CLSTN2: variants seen among roughly 807,000 people sequenced by gnomAD.
CLSTN2 encodes the protein calsyntenin-2.
In CLSTN2, 48 loss-of-function variants were observed where a neutral mutation model predicts 101.2. The observed-to-expected ratio is 0.47, with a 90% confidence interval of 0.38 to 0.60. CLSTN2 has a LOEUF of 0.60. Ranked by LOEUF, CLSTN2 falls within the 20% of genes least tolerant of loss-of-function variation. The pLI is 0.00. For missense variants in CLSTN2, 1,160 were observed against 1,238.2 expected (o/e 0.94, Z 0.95); for synonymous variants, 481 against 463.6 (o/e 1.04, Z -0.48).
intron 1 of CLSTN2, among the ~76,000 whole-genome samples, chr3:139,957,665 T>C (rs1001470708): frequency 2.0e-5 from 3 of 152,060 alleles, no homozygotes; most frequent in Non-Finnish European, 2.9e-5. Flanking sequence ...TCTTAGAGCA[T>C]GGGGGACTTT....
At chr3:139,958,720 T>G (rs770776278) in intron 1 of CLSTN2, among the ~76,000 whole-genome samples, 3 of 151,616 alleles carry the variant, frequency 2.0e-5, no homozygotes, top group Non-Finnish European at 4.4e-5. Flanking sequence ...AAACCCCACA[T>G]GTCTGGAACA....
chr3:140,057,286 T>C (rs568716546), intron 1 of CLSTN2, among the ~76,000 whole-genome samples: 1 of 152,354 alleles, frequency 6.6e-6, no homozygotes, highest in South Asian at 2.1e-4. Flanking sequence ...AGTGCCATTC[T>C]ACTGATGCCA....
rs1935005307 is a variant in CLSTN2 at position 139,935,597 on chromosome 3, C to T, written c.109+114C>T. On this transcript the variant is annotated intron_variant, in intron 1 of 16. Coordinates refer to ENST00000458420, the MANE Select transcript of CLSTN2 (RefSeq NM_022131.3). This position sits in a 1 kb window ranked among gnomAD's most constrained non-coding sequence, Gnocchi z 5.5. ...ATTTGCCCACCCTCCCTTGCCGCAG[C>T]TTCTTTGGCCTCTGTGCGCCCTGGA... The T allele has an allele frequency of 1.4e-5, 7 of 487,814 alleles. No individual in the cohort carries two copies. The highest frequency in any genetic ancestry group is 2.0e-5 in the African/African-American group (1 of 50,214). The allele number at this position is 487,814 out of a possible 1,614,324, so 30.2% of individuals were successfully genotyped here. A position where few individuals can be genotyped will look rare whatever the true frequency, so the allele number is the denominator to read the frequency against.
At chr3:140,459,159 G>T (rs974519970) in intron 6 of CLSTN2, among the ~76,000 whole-genome samples, 3 of 152,182 alleles carry the variant, frequency 2.0e-5, no homozygotes, top group Non-Finnish European at 4.4e-5. Flanking sequence ...AGATGGATAG[G>T]TGTGTGAGTG....
chr3:139,999,675 C>T (rs972787053), intron 1 of CLSTN2, among the ~76,000 whole-genome samples: 1 of 152,136 alleles, frequency 6.6e-6, no homozygotes, highest in African/African-American at 2.4e-5. Context: ...GAACTTGCAA[C>T]TCTAAACCAA....
intron 1 of CLSTN2, among the ~76,000 whole-genome samples, chr3:139,988,055 C>T (rs59433491): frequency 0.29 from 44,124 of 151,992 alleles, 7,666 homozygotes; most frequent in East Asian, 0.52. Context: ...CAGCTTTTAG[C>T]ATTGTAAAAC....
intron 1 of CLSTN2, among the ~76,000 whole-genome samples, chr3:140,007,348 G>A (rs988862514): frequency 2.0e-5 from 3 of 152,226 alleles, no homozygotes; most frequent in African/African-American, 7.2e-5. Flanking sequence ...GGGCCTGGGG[G>A]TCAGGAGAGG....
chr3:140,389,198 A>ACATGCAC (rs1178881538), intron 2 of CLSTN2, among the ~76,000 whole-genome samples: 1 of 152,178 alleles, frequency 6.6e-6, no homozygotes, highest in African/African-American at 2.4e-5. Flanking sequence ...ACATAGGTAA[A>ACATGCAC]CATGTGCCAT....
At chr3:140,121,803 C>T (rs912166502) in intron 1 of CLSTN2, among the ~76,000 whole-genome samples, 49 of 152,168 alleles carry the variant, frequency 3.2e-4, no homozygotes, top group Admixed American at 2.8e-3. Flanking sequence ...CATAGCAGGG[C>T]AATGTCCAGC....
intron 2 of CLSTN2, among the ~76,000 whole-genome samples, chr3:140,398,672 G>A (rs543019805): frequency 6.6e-6 from 1 of 152,320 alleles, no homozygotes; most frequent in South Asian, 2.1e-4. Flanking sequence ...TTAGTCCTTA[G>A]TTGGCTTTAT....
At chr3:140,169,179 T>G (rs2107824420) in intron 1 of CLSTN2, among the ~76,000 whole-genome samples, 1 of 152,202 alleles carries the variant, frequency 6.6e-6, no homozygotes, top group East Asian at 1.9e-4. Flanking sequence ...TTCAGCAGTG[T>G]CAGGGTTTTC....
intron 2 of CLSTN2, among the ~76,000 whole-genome samples, chr3:140,269,940 G>A (rs997011243): frequency 7.1e-6 from 1 of 140,784 alleles, no homozygotes; most frequent in Non-Finnish European, 1.5e-5. Flanking sequence ...GATTTGATGA[G>A]GTTTTGTGAG....
chr3:140,134,005 T>C (rs1047535806), intron 1 of CLSTN2, among the ~76,000 whole-genome samples: 2 of 152,186 alleles, frequency 1.3e-5, no homozygotes, highest in Non-Finnish European at 2.9e-5. Context: ...CACATCTGGC[T>C]GCAGTTTGGA....
intron 2 of CLSTN2, among the ~76,000 whole-genome samples, chr3:140,394,487 C>T (rs1257338863): frequency 6.6e-6 from 1 of 152,196 alleles, no homozygotes; most frequent in Non-Finnish European, 1.5e-5. Context: ...CTTACAGCTA[C>T]AGCACTTCTC....
intron 1 of CLSTN2, among the ~76,000 whole-genome samples, chr3:139,959,827 G>C (rs1935472880): frequency 6.6e-6 from 1 of 152,052 alleles, no homozygotes; most frequent in South Asian, 2.1e-4. Flanking sequence ...CCAAGCTTCA[G>C]ACACAGAATG....
intron 1 of CLSTN2, among the ~76,000 whole-genome samples, chr3:140,093,056 C>A (rs145048840): frequency 3.5e-4 from 53 of 152,098 alleles, no homozygotes; most frequent in African/African-American, 1.2e-3. Flanking sequence ...TTGTTATGCA[C>A]GGTATTCAAA....
chr3:140,399,836 T>C (rs2088221016), intron 2 of CLSTN2, among the ~76,000 whole-genome samples: 2 of 152,272 alleles, frequency 1.3e-5, no homozygotes, highest in South Asian at 2.1e-4. Context: ...TAGTACCCAA[T>C]AGGTAGTTTT....
chr3:140,551,311 G>T (rs1307105272), intron 10 of CLSTN2, among the ~76,000 whole-genome samples: 1 of 152,112 alleles, frequency 6.6e-6, no homozygotes, highest in African/African-American at 2.4e-5. Context: ...ACAGGGACAA[G>T]CCCATGTTTC....
chr3:140,337,357 G>A (rs2087453854), intron 2 of CLSTN2, among the ~76,000 whole-genome samples: 1 of 152,138 alleles, frequency 6.6e-6, no homozygotes, highest in Non-Finnish European at 1.5e-5. Context: ...TCCTTGGCTT[G>A]TCAATGGTAT....
Sources: gnomAD v4.1 joint callset for allele counts (sites outside exome capture counted in the v4.1 genomes callset) on GRCh38, gnomAD v4.1.1 for gene constraint, Gnocchi (gnomAD v3.1) non-coding constraint, MANE v1.5 for transcripts, NCBI Gene and HGNC (gene_info 2026-07-23, HGNC 2026-07-21) for gene names.